The following FAM171B variants were observed in gnomAD, a reference collection of about 807,000 sequenced individuals.
FAM171B encodes the protein family with sequence similarity 171 member B, also known as protein FAM171B.
FAM171B carries 19 observed loss-of-function variants against 75.6 expected under a neutral mutation model. The observed-to-expected ratio is 0.25, with a 90% CI of 0.18 to 0.37. FAM171B has a LOEUF of 0.37. Among genes scored for constraint, FAM171B ranks in the 10% least tolerant of loss-of-function variants. The pLI is 1.00. For missense variants in FAM171B, 848 were observed against 982.4 expected (o/e 0.86, Z 1.83); for synonymous variants, 367 against 361.7 (o/e 1.01, Z -0.17).
intron 1 of FAM171B, among the ~76,000 whole-genome samples, chr2:186,720,095 T>A (rs1045677522): frequency 6.6e-6 from 1 of 152,220 alleles, no homozygotes; most frequent in Non-Finnish European, 1.5e-5. Flanking sequence ...TGGAATGCAA[T>A]GGCGCTATCT....
chr2:186,699,162 T>C lies in FAM171B; in HGVS notation c.238+4751T>C, dbSNP rs139115229. On this transcript the variant is annotated intron_variant, in intron 1 of 7. Coordinates refer to ENST00000304698, the MANE Select transcript of FAM171B (RefSeq NM_177454.4). Reference sequence around the variant, plus strand: ...TATACCTAACAGCTGTATTGCTGGATCATATGGTACCTCTATTTTTAGTTT... The same window carrying C: ...TATACCTAACAGCTGTATTGCTGGACCATATGGTACCTCTATTTTTAGTTT... 1.5e-3 allele frequency among the ~76,000 whole-genome samples: 222 copies of C among 152,304 alleles called. 6 individuals are homozygous for C. In the East Asian group the frequency reaches 0.038, roughly 26 times the overall value.
chr2:186,743,362 A>C lies in FAM171B; in HGVS notation c.473-121A>C, dbSNP rs150155257. The C allele has an allele frequency of 8.5e-5, 53 of 624,082 alleles. No homozygotes were observed. In the East Asian group the frequency reaches 1.4e-3, roughly 17 times the overall value. 38.7% of individuals were successfully genotyped at this position (624,082 alleles called of 1,614,324 possible). A position where few individuals can be genotyped will look rare whatever the true frequency, so the allele number is the denominator to read the frequency against. On this transcript the variant is annotated intron_variant, in intron 2 of 7. Coordinates refer to ENST00000304698, the MANE Select transcript of FAM171B (RefSeq NM_177454.4). Reference sequence around the variant, plus strand: ...TCCTTTGTTTTGAATTGCTCTTCCCATCAAGCATTTGTTCCCCCCCACAAC... The same window carrying C: ...TCCTTTGTTTTGAATTGCTCTTCCCCTCAAGCATTTGTTCCCCCCCACAAC...
At chr2:186,725,776 T>C (rs1317712543) in intron 1 of FAM171B, among the ~76,000 whole-genome samples, 1 of 152,212 alleles carries the variant, frequency 6.6e-6, no homozygotes, top group Non-Finnish European at 1.5e-5. Flanking sequence ...GTATCCTTAA[T>C]AAATGTTGAA....
At chr2:186,713,838 A>G (rs781557457) in intron 1 of FAM171B, among the ~76,000 whole-genome samples, 36 of 152,348 alleles carry the variant, frequency 2.4e-4, no homozygotes, top group Non-Finnish European at 4.4e-4. Context: ...CTGAGCTTTG[A>G]CTTTTCACTA....
intron 1 of FAM171B, among the ~76,000 whole-genome samples, chr2:186,717,975 T>G (rs570928220): frequency 3.3e-5 from 5 of 152,326 alleles, no homozygotes; most frequent in South Asian, 4.1e-4. Context: ...TATTAGGTGC[T>G]CAATAAATGT....
At chr2:186,696,579 T>A (rs1689584685) in intron 1 of FAM171B, among the ~76,000 whole-genome samples, 1 of 148,286 alleles carries the variant, frequency 6.7e-6, no homozygotes, top group Non-Finnish European at 1.5e-5. Flanking sequence ...ATCCTTTGTA[T>A]CCTCCTTTTC....
At chr2:186,760,782 G>A (rs150247861) in intron 6 of FAM171B, among the ~76,000 whole-genome samples, 2 of 151,858 alleles carry the variant, frequency 1.3e-5, no homozygotes, top group African/African-American at 4.8e-5. Flanking sequence ...GCTTCATTCA[G>A]TTCAACAGAT....
chr2:186,749,358 G>A lies in FAM171B; in HGVS notation c.725-1776G>A, dbSNP rs140436130. 1.4e-3 allele frequency among the ~76,000 whole-genome samples: 220 copies of A among 152,158 alleles called. 2 individuals carry two copies. Among genetic ancestry groups the A allele is most frequent in the African/African-American group, 4.2e-3 (175 of 41,500 alleles). ...CAGTTTGTAAAGCCACTGACTGCAC[G>A]GAGCTGAGGGGTGAGGTTGAAGCAG... On this transcript the variant is annotated intron_variant, in intron 4 of 7. Coordinates refer to ENST00000304698, the MANE Select transcript of FAM171B (RefSeq NM_177454.4).
intron 1 of FAM171B, among the ~76,000 whole-genome samples, chr2:186,697,330 G>A (rs1689598051): frequency 6.6e-6 from 1 of 152,086 alleles, no homozygotes; most frequent in Non-Finnish European, 1.5e-5. Flanking sequence ...CGTGATCATG[G>A]CTCAAGTCAG....
At chr2:186,748,295 T>A (rs1690400103) in intron 4 of FAM171B, among the ~76,000 whole-genome samples, 1 of 151,298 alleles carries the variant, frequency 6.6e-6, no homozygotes, top group South Asian at 2.1e-4. Context: ...AAACAGTCTA[T>A]AATTCTGATA....
At chr2:186,739,043 G>A (rs1278773398) in intron 1 of FAM171B, among the ~76,000 whole-genome samples, 1 of 152,172 alleles carries the variant, frequency 6.6e-6, no homozygotes, top group African/African-American at 2.4e-5. Flanking sequence ...ACTGGATACT[G>A]CAGGCAATTG....
intron 1 of FAM171B, among the ~76,000 whole-genome samples, chr2:186,701,772 G>A (rs956969066): frequency 1.3e-5 from 2 of 152,136 alleles, no homozygotes; most frequent in Admixed American, 1.3e-4. Context: ...TGTTTTAGTA[G>A]CAGTTTTATA....
intron 1 of FAM171B, among the ~76,000 whole-genome samples, chr2:186,721,489 TC>T (rs976014719): frequency 1.3e-5 from 2 of 152,160 alleles, no homozygotes; most frequent in African/African-American, 4.8e-5. Context: ...AATGTTTTTT[TC>T]AAAGAAAACA....
At chr2:186,703,530 T>C (rs764670349) in intron 1 of FAM171B, among the ~76,000 whole-genome samples, 9 of 152,316 alleles carry the variant, frequency 5.9e-5, no homozygotes, top group South Asian at 2.1e-4. Context: ...TGCTTTTTAA[T>C]AATAGGAACA....
intron 1 of FAM171B, among the ~76,000 whole-genome samples, chr2:186,737,542 A>G (rs1046225034): frequency 6.6e-6 from 1 of 152,114 alleles, no homozygotes; most frequent in Non-Finnish European, 1.5e-5. Flanking sequence ...GACAGGGTCT[A>G]TGTTGCCTAG....
chr2:186,715,819 G>T (rs1360850822), intron 1 of FAM171B, among the ~76,000 whole-genome samples: 1 of 151,956 alleles, frequency 6.6e-6, no homozygotes, highest in Non-Finnish European at 1.5e-5. Context: ...ACTAAGATTG[G>T]GTTTGTATTT....
At chr2:186,735,938 A>G (rs1001811359) in intron 1 of FAM171B, among the ~76,000 whole-genome samples, 6 of 152,216 alleles carry the variant, frequency 3.9e-5, no homozygotes, top group African/African-American at 1.4e-4. Context: ...TAGTGATACT[A>G]ATGACTACTC....
At chr2:186,715,206 T>TTTTG (rs770375694) in intron 1 of FAM171B, among the ~76,000 whole-genome samples, 4 of 152,140 alleles carry the variant, frequency 2.6e-5, no homozygotes, top group South Asian at 4.2e-4. Flanking sequence ...TGTGTGTGTG[T>TTTTG]TTTGTTTGTT....
chr2:186,727,492 G>C (rs1690051363), intron 1 of FAM171B, among the ~76,000 whole-genome samples: 1 of 152,178 alleles, frequency 6.6e-6, no homozygotes, highest in Non-Finnish European at 1.5e-5. Flanking sequence ...TTTCTGTAGA[G>C]TGCCAGATAG....
Sources: allele counts gnomAD v4.1 joint callset (sites outside exome capture counted in the v4.1 genomes callset), GRCh38; gene constraint gnomAD v4.1.1; transcripts MANE v1.5; gene names NCBI Gene and HGNC (gene_info 2026-07-23, HGNC 2026-07-21).